The following SSH2 variants were observed in gnomAD, a reference collection of about 807,000 sequenced individuals.
SSH2 encodes protein phosphatase Slingshot homolog 2.
A neutral mutation model predicts 135.2 loss-of-function variants in SSH2; 37 were observed. The ratio of observed to expected loss-of-function variants is 0.27; its 90% confidence interval spans 0.21 to 0.36. The LOEUF is 0.36. Among genes scored for constraint, SSH2 ranks in the 10% least tolerant of loss-of-function variants. The probability of loss-of-function intolerance (pLI) is 1.00; values close to 1 mark genes in which losing one functional copy is unlikely to be tolerated. For missense variants in SSH2, 1,408 were observed against 1,765.3 expected (o/e 0.80, Z 3.63); for synonymous variants, 628 against 646.2 (o/e 0.97, Z 0.43).
At chr17:29,691,105 A>C (rs1301092921) in intron 5 of SSH2, among the ~76,000 whole-genome samples, 5 of 151,892 alleles carry the variant, frequency 3.3e-5, no homozygotes, top group East Asian at 3.9e-4. Flanking sequence ...AGAAAAAAAA[A>C]CCCCACATAA....
chr17:29,630,726 C>CTTT lies in SSH2; in HGVS notation c.*114_*115insAAA, dbSNP rs2035627543. On this transcript the variant is annotated 3_prime_UTR_variant, in exon 16 of 16. Coordinates refer to ENST00000540801, the MANE Select transcript of SSH2 (RefSeq NM_001282129.2). ...ACCCAAACCCTGCATGCACCAGAAACAGTAAAATGACCAAAATATTATAAA... is the reference window on the plus strand; with the variant it reads ...ACCCAAACCCTGCATGCACCAGAAACTTTAGTAAAATGACCAAAATATTATAAA... 1 of 1,154,324 alleles carries CTTT rather than the reference C, an allele frequency of 8.7e-7. No individual in the cohort carries two copies. Among genetic ancestry groups the CTTT allele is most frequent in the East Asian group, 2.4e-5 (1 of 41,772 alleles). The allele number at this position is 1,154,324 out of a possible 1,614,324, so 71.5% of individuals were successfully genotyped here. A position where few individuals can be genotyped will look rare whatever the true frequency, so the allele number is the denominator to read the frequency against.
At chr17:29,718,058 T>C (rs149220718) in intron 3 of SSH2, among the ~76,000 whole-genome samples, 1 of 152,350 alleles carries the variant, frequency 6.6e-6, no homozygotes, top group Non-Finnish European at 1.5e-5. Flanking sequence ...TTCTCATTTG[T>C]AATTCACTTT....
chr17:29,797,611 T>C (rs2042180489), intron 2 of SSH2, among the ~76,000 whole-genome samples: 1 of 152,120 alleles, frequency 6.6e-6, no homozygotes, highest in South Asian at 2.1e-4. Flanking sequence ...CGAACAAAGT[T>C]ATTAGCCAGA....
At chr17:29,868,304 T>C (rs1017640578) in intron 1 of SSH2, among the ~76,000 whole-genome samples, 14 of 152,126 alleles carry the variant, frequency 9.2e-5, no homozygotes, top group African/African-American at 2.9e-4. Flanking sequence ...TTGTTAAAGA[T>C]GAGAGAAGCC....
intron 2 of SSH2, among the ~76,000 whole-genome samples, chr17:29,801,007 A>G (rs904114255): frequency 2.0e-5 from 3 of 151,812 alleles, no homozygotes; most frequent in African/African-American, 7.3e-5. Context: ...CTGGGATTAC[A>G]GGTGTCTGCC....
At chr17:29,757,663 G>A (rs1258943215) in intron 3 of SSH2, among the ~76,000 whole-genome samples, 1 of 151,052 alleles carries the variant, frequency 6.6e-6, no homozygotes, top group Non-Finnish European at 1.5e-5. Flanking sequence ...GGCCAAGGCA[G>A]GAGGATCACT....
At chr17:29,716,347 G>GCT in intron 3 of SSH2, 1 of 459,626 alleles carries the variant, frequency 2.2e-6, no homozygotes, top group South Asian at 2.3e-5. Flanking sequence ...GCTTCAGGAA[G>GCT]CTGTCTTGGC....
intron 2 of SSH2, among the ~76,000 whole-genome samples, chr17:29,822,191 G>A (rs1383965581): frequency 6.6e-6 from 1 of 152,170 alleles, no homozygotes; most frequent in Non-Finnish European, 1.5e-5. Context: ...CCAGTGATAA[G>A]TGACTTACCA....
intron 3 of SSH2, among the ~76,000 whole-genome samples, chr17:29,785,677 T>A (rs900946841): frequency 2.6e-5 from 4 of 151,670 alleles, no homozygotes; most frequent in Admixed American, 1.3e-4. Context: ...TTTTTGTATT[T>A]TTAGTAGGGA....
At chr17:29,887,804 A>G (rs1222801592) in intron 1 of SSH2, among the ~76,000 whole-genome samples, 1 of 152,250 alleles carries the variant, frequency 6.6e-6, no homozygotes, top group Non-Finnish European at 1.5e-5. Flanking sequence ...CTAATTTTAG[A>G]AAATAAATAA....
intron 6 of SSH2, among the ~76,000 whole-genome samples, chr17:29,679,969 C>G (rs1440980451): frequency 2.0e-5 from 3 of 152,026 alleles, no homozygotes; most frequent in Non-Finnish European, 4.4e-5. Context: ...GCCTTAATTT[C>G]TTCATCTTGA....
chr17:29,743,046 G>A (rs193060773), intron 3 of SSH2, among the ~76,000 whole-genome samples: 6 of 152,178 alleles, frequency 3.9e-5, no homozygotes, highest in East Asian at 3.9e-4. Flanking sequence ...ACTCTCATGC[G>A]TCAGCCTCTT....
At chr17:29,753,371 A>AC (rs988718406) in intron 3 of SSH2, among the ~76,000 whole-genome samples, 4 of 151,012 alleles carry the variant, frequency 2.6e-5, no homozygotes, top group African/African-American at 4.9e-5. Flanking sequence ...CTCAGGTGAT[A>AC]CCCCCAACCT....
At chr17:29,908,946 G>A (rs967084360) in intron 1 of SSH2, among the ~76,000 whole-genome samples, 18 of 151,676 alleles carry the variant, frequency 1.2e-4, no homozygotes, top group Admixed American at 8.5e-4. Context: ...GCGTGGTGGC[G>A]GGTGCCTGTA....
intron 3 of SSH2, among the ~76,000 whole-genome samples, chr17:29,710,341 G>C (rs1480312828): frequency 2.0e-5 from 3 of 152,186 alleles, no homozygotes. Flanking sequence ...TGATATTTCT[G>C]CTTGAAGCCA....
At chr17:29,840,731 C>T (rs1464044199) in intron 2 of SSH2, among the ~76,000 whole-genome samples, 1 of 152,156 alleles carries the variant, frequency 6.6e-6, no homozygotes, top group East Asian at 1.9e-4. Flanking sequence ...TGAGGGAATC[C>T]TGCATCTGCC....
chr17:29,793,860 C>A lies in SSH2; in HGVS notation c.188+34G>T, dbSNP rs748252223. 3 of 1,586,302 alleles carry A rather than the reference C, an allele frequency of 1.9e-6. No individual in the cohort carries two copies. The South Asian group carries it at 3.4e-5, about 18-fold the overall frequency. ...TAACTACTACAAAAATATCCTACAA[C>A]AAAAATGCCGTAGGATATAATGAAC... On this transcript the variant is annotated intron_variant, in intron 3 of 15. Coordinates refer to ENST00000540801, the MANE Select transcript of SSH2 (RefSeq NM_001282129.2).
intron 3 of SSH2, among the ~76,000 whole-genome samples, chr17:29,774,122 TCATAAA>T (rs2041646182): frequency 6.6e-6 from 1 of 152,226 alleles, no homozygotes; most frequent in Non-Finnish European, 1.5e-5. Context: ...CTGTTTAAAC[TCATAAA>T]CATAAGATCA....
intron 1 of SSH2, among the ~76,000 whole-genome samples, chr17:29,871,372 G>A (rs1325040560): frequency 6.6e-6 from 1 of 152,168 alleles, no homozygotes; most frequent in Non-Finnish European, 1.5e-5. Flanking sequence ...GCAAATTTAT[G>A]TTCTGGAACA....
Sources: allele counts gnomAD v4.1 joint callset (sites outside exome capture counted in the v4.1 genomes callset), GRCh38; gene constraint gnomAD v4.1.1; transcripts MANE v1.5; gene names NCBI Gene and HGNC (gene_info 2026-07-23, HGNC 2026-07-21).